Variants in RSC1A1 observed in about 807,000 individuals in gnomAD.
The protein encoded by RSC1A1 is regulatory solute carrier protein family 1 member 1.
In RSC1A1, 6 loss-of-function variants were observed where a neutral mutation model predicts 7.7. That is an observed-to-expected ratio of 0.78 (90% confidence interval 0.43 to 1.53). The LOEUF is 1.53. RSC1A1 is among the 40% of genes most tolerant of loss of function. The pLI is 0.01. For missense variants in RSC1A1, 729 were observed against 726.3 expected (o/e 1.00, Z -0.04); for synonymous variants, 250 against 263.0 (o/e 0.95, Z 0.48).
chr1:15,660,468 A>G lies in RSC1A1; in HGVS notation c.600A>G (p.Glu200=), dbSNP rs1171857719. 1 of 1,614,122 alleles carries G rather than the reference A, an allele frequency of 6.2e-7. No individual in the cohort carries two copies. Among genetic ancestry groups the G allele is most frequent in the Non-Finnish European group, 8.5e-7 (1 of 1,180,018 alleles). ...LCNIGDLELP[E]ERQQNQHKIV... The stretch of plus-strand genomic sequence containing the variant: ...ACATAGGGGACCTTGAGCTTCCTGA[A>G]GAAAGGCAACAGAATCAACACAAAA... The change falls in exon 1 of 1, where the codon GAA becomes GAG. Residue 200 remains glutamate (E), a synonymous_variant. Transcript: ENST00000345034.
Position 15,661,708 on chromosome 1 carries a change from G to A in RSC1A1, c.1840G>A (p.Val614Ile), listed in dbSNP as rs773446093. Residue 614 changes from valine (V) to isoleucine (I), a missense_variant, in exon 1 of 1, where the codon GTA (valine) becomes ATA (isoleucine). By Grantham distance (29) the Val-to-Ile change is conservative. Coordinates refer to ENST00000345034, the MANE Select transcript of RSC1A1 (RefSeq NM_006511.3). ...TCTTGTTTTGCTCGCAAAAAACATCGTAGTTCCTACATGACTGTGGGAAAG... is the reference window on the plus strand; with the variant it reads ...TCTTGTTTTGCTCGCAAAAAACATCATAGTTCCTACATGACTGTGGGAAAG... ...ALLVLLAKNI[V>I]VPT 32 of 1,610,246 alleles carry A rather than the reference G, an allele frequency of 2.0e-5. 1 individual carries two copies. The highest frequency in any genetic ancestry group is 3.3e-4 in the Middle Eastern group (2 of 6,070).
Position 15,661,747 on chromosome 1 carries a change from T to C in RSC1A1, c.*25T>C. 1.3e-6 allele frequency: 2 copies of C among 1,575,222 alleles called. No homozygotes were observed. Among genetic ancestry groups the C allele is most frequent in the Non-Finnish European group, 1.7e-6 (2 of 1,160,946 alleles). Reference sequence around the variant, plus strand: ...ACTGTGGGAAAGTGGGCTAGACCGTTCTCCATTCCCTTTAAACAAAAGAAA... The same window carrying C: ...ACTGTGGGAAAGTGGGCTAGACCGTCCTCCATTCCCTTTAAACAAAAGAAA... On this transcript the variant is annotated 3_prime_UTR_variant, in exon 1 of 1. Transcript: ENST00000345034.
At chr1:15,659,888 CAGATG>C in the RSC1A1 span, 2 of 1,588,104 alleles carry the variant, frequency 1.3e-6, no homozygotes, top group Non-Finnish European at 1.7e-6. Flanking sequence ...TTACCAACTT[CAGATG>C]GGTTTAACCA....
Position 15,661,217 on chromosome 1 carries a change from G to A in RSC1A1, c.1349G>A (p.Gly450Asp). 2 of 1,614,172 alleles carry A rather than the reference G, an allele frequency of 1.2e-6. No homozygotes were observed. The highest frequency in any genetic ancestry group is 1.7e-6 in the Non-Finnish European group (2 of 1,180,026). ...AVENVNFRSLGDGLSTDKEGV... is the reference protein window; with the variant it reads ...AVENVNFRSLDDGLSTDKEGV... ...GAAAATGTAAACTTCAGGAGTCTAGGTGATGGCCTGTCAACCGATAAGGAA... is the reference window on the plus strand; with the variant it reads ...GAAAATGTAAACTTCAGGAGTCTAGATGATGGCCTGTCAACCGATAAGGAA... The change falls in exon 1 of 1, where the codon GGT becomes GAT. Residue 450 changes from glycine (G) to aspartate (D), a missense_variant. Coordinates refer to ENST00000345034, the MANE Select transcript of RSC1A1 (RefSeq NM_006511.3).
In RSC1A1 at chr1:15,661,922, T is replaced by C. The variant is rs1208624922; in HGVS notation, c.*200T>C. Reference sequence around the variant, plus strand: ...TTTTGTCTGATGAATTTGTCTATCCTACTTGTTAAAATTTAGGCCTTTTTA... The same window carrying C: ...TTTTGTCTGATGAATTTGTCTATCCCACTTGTTAAAATTTAGGCCTTTTTA... On this transcript the variant is annotated 3_prime_UTR_variant, in exon 1 of 1. Coordinates refer to ENST00000345034, the MANE Select transcript of RSC1A1 (RefSeq NM_006511.3). 5.3e-6 allele frequency: 4 copies of C among 759,768 alleles called. No individual in the cohort carries two copies. Among genetic ancestry groups the C allele is most frequent in the Middle Eastern group, 4.1e-4 (1 of 2,418 alleles). The allele number at this position is 759,768 out of a possible 1,614,324, so 47.1% of individuals were successfully genotyped here.
In RSC1A1 at chr1:15,660,959, T is replaced by C. The variant is rs768176368; in HGVS notation, c.1091T>C (p.Val364Ala). The C allele has an allele frequency of 1.2e-6, 2 of 1,613,590 alleles. No homozygotes were observed. The highest frequency in any genetic ancestry group is 2.2e-5 in the South Asian group (2 of 90,970). The stretch of plus-strand genomic sequence containing the variant: ...TTGAAAGAACTTCATGAACTTTTGG[T>C]TGTTAGCAGTAAACCAGCTTCAGAA... ...AALKELHELL[V>A]VSSKPASENT... The change falls in exon 1 of 1, where the codon GTT becomes GCT. Residue 364 changes from valine (V) to alanine (A), a missense_variant. By Grantham distance (64) the Val-to-Ala change is moderately conservative. Coordinates refer to ENST00000345034, the MANE Select transcript of RSC1A1 (RefSeq NM_006511.3).
At chr1:15,661,596 T>TA in the RSC1A1 span, 2 of 1,614,052 alleles carry the variant, frequency 1.2e-6, no homozygotes, top group Non-Finnish European at 1.7e-6. Context: ...CTGCCACAGA[T>TA]ATTGACCGCA....
Position 15,661,025 on chromosome 1 carries a change from C to T in RSC1A1, c.1157C>T (p.Ala386Val). 6.2e-7 allele frequency: 1 copy of T among 1,614,118 alleles called. No individual in the cohort carries two copies. The change falls in exon 1 of 1, where the codon GCT becomes GTT. Residue 386 changes from alanine to valine, a missense_variant. Transcript: ENST00000345034. Reference sequence around the variant, plus strand: ...GTAATCTGTCAATCAGAAACCATAGCTGAGGGCCAAACCAGTATTAAAGAC... The same window carrying T: ...GTAATCTGTCAATCAGAAACCATAGTTGAGGGCCAAACCAGTATTAAAGAC... Reference protein sequence around the residue: ...EEVICQSETIAEGQTSIKDLS... With the variant: ...EEVICQSETIVEGQTSIKDLS...
Position 15,660,611 on chromosome 1 carries a change from T to A in RSC1A1, c.743T>A (p.Phe248Tyr), listed in dbSNP as rs780934427. 6.2e-7 allele frequency: 1 copy of A among 1,614,076 alleles called. No homozygotes were observed. The highest frequency in any genetic ancestry group is 8.5e-7 in the Non-Finnish European group (1 of 1,180,012). ...AGTGGCTGCTCAAATTCAGAAACATTTATGGAAATCGATACAGCTCAACAG... is the reference window on the plus strand; with the variant it reads ...AGTGGCTGCTCAAATTCAGAAACATATATGGAAATCGATACAGCTCAACAG... ...ECSGCSNSET[F>Y]MEIDTAQQSL... Residue 248 changes from phenylalanine to tyrosine, a missense_variant, in exon 1 of 1, where the codon TTT (phenylalanine) becomes TAT (tyrosine). Physicochemically the swap from Phe to Tyr is conservative, Grantham distance 22 (BLOSUM62 3). Transcript: ENST00000345034.
In RSC1A1 at chr1:15,660,725, T is replaced by G. The variant is rs1288684433; in HGVS notation, c.857T>G (p.Leu286Trp). ...TTGGATCTCACTTTAGATAATCCCT[T>G]GATGGAAGTAGAAACATCAAAATGT... ...GALDLTLDNP[L>W]MEVETSKCNP... The change falls in exon 1 of 1, where the codon TTG (leucine) becomes TGG (tryptophan). Residue 286 changes from leucine to tryptophan, a missense_variant. Transcript: ENST00000345034. 6 of 1,613,784 alleles carry G rather than the reference T, an allele frequency of 3.7e-6. No individual in the cohort carries two copies. Among genetic ancestry groups the G allele is most frequent in the Non-Finnish European group, 8.5e-7 (1 of 1,179,974 alleles).
Position 15,660,135 on chromosome 1 carries a change from A to G in RSC1A1, c.267A>G (p.Thr89=). ...DHASSADHAP[T]DQSPAMPMQN... is the part of the protein sequence containing the mutation. ...CTTCCTCAGCAGACCATGCTCCAAC[A>G]GACCAGAGTCCAGCTATGCCTATGC... is the stretch of plus-strand genomic sequence containing the variant. The change falls in exon 1 of 1, where the codon ACA becomes ACG. Residue 89 remains threonine, a synonymous_variant. Coordinates refer to ENST00000345034, the MANE Select transcript of RSC1A1 (RefSeq NM_006511.3). 6.2e-7 allele frequency: 1 copy of G among 1,614,236 alleles called. No homozygotes were observed. The highest frequency in any genetic ancestry group is 8.5e-7 in the Non-Finnish European group (1 of 1,180,030).
Position 15,661,730 on chromosome 1 carries a change from A to C in RSC1A1, c.*8A>C. On this transcript the variant is annotated 3_prime_UTR_variant, in exon 1 of 1. Coordinates refer to ENST00000345034, the MANE Select transcript of RSC1A1 (RefSeq NM_006511.3). Reference sequence around the variant, plus strand: ...ATCGTAGTTCCTACATGACTGTGGGAAAGTGGGCTAGACCGTTCTCCATTC... The same window carrying C: ...ATCGTAGTTCCTACATGACTGTGGGCAAGTGGGCTAGACCGTTCTCCATTC... The C allele has an allele frequency of 6.3e-7, 1 of 1,599,418 alleles. No homozygotes were observed. The highest frequency in any genetic ancestry group is 8.5e-7 in the Non-Finnish European group (1 of 1,171,760).
chr1:15,660,254 A>G lies in RSC1A1; in HGVS notation c.386A>G (p.Gln129Arg). 6.2e-7 allele frequency: 1 copy of G among 1,614,222 alleles called. No individual in the cohort carries two copies. Among genetic ancestry groups the G allele is most frequent in the Non-Finnish European group, 8.5e-7 (1 of 1,180,040 alleles). The change falls in exon 1 of 1, where the codon CAG becomes CGG. Residue 129 changes from glutamine (Q) to arginine (R), a missense_variant. Physicochemically the swap from Gln to Arg is conservative, Grantham distance 43 (BLOSUM62 1). Transcript: ENST00000345034. The part of the protein sequence containing the change: ...QGLKFHLHTR[Q>R]EASLSVTSTR... ...CTCAAATTTCATCTCCATACAAGAC[A>G]GGAAGCTAGTTTATCTGTCACATCT...
In RSC1A1 at chr1:15,661,879, C is replaced by A; in HGVS notation, c.*157C>A. 1.9e-6 allele frequency: 2 copies of A among 1,075,002 alleles called. No homozygotes were observed. The highest frequency in any genetic ancestry group is 2.5e-6 in the Non-Finnish European group (2 of 807,820). 66.6% of individuals were successfully genotyped at this position (1,075,002 alleles called of 1,614,324 possible). ...GATTTTTTTTAAAGATTTTTTTCGGCCAAAGTAATTTATGATCTTTTGTCT... is the reference window on the plus strand; with the variant it reads ...GATTTTTTTTAAAGATTTTTTTCGGACAAAGTAATTTATGATCTTTTGTCT... On this transcript the variant is annotated 3_prime_UTR_variant, in exon 1 of 1. Transcript: ENST00000345034.
Position 15,660,715 on chromosome 1 carries a change from G to A in RSC1A1, c.847G>A (p.Asp283Asn). ...CATTGGTGCATTGGATCTCACTTTA[G>A]ATAATCCCTTGATGGAAGTAGAAAC... ...KNIGALDLTL[D>N]NPLMEVETSK... The change falls in exon 1 of 1, where the codon GAT (aspartate) becomes AAT (asparagine). Residue 283 changes from aspartate (D) to asparagine (N), a missense_variant. Physicochemically the swap from Asp to Asn is conservative, Grantham distance 23. Transcript: ENST00000345034. 6.2e-7 allele frequency: 1 copy of A among 1,613,950 alleles called. No individual in the cohort carries two copies. The highest frequency in any genetic ancestry group is 8.5e-7 in the Non-Finnish European group (1 of 1,179,988).
rs1286525172 is a variant in RSC1A1, at chr1:15,660,161, A to G, written c.293A>G (p.Gln98Arg). The G allele has an allele frequency of 6.2e-7, 1 of 1,614,130 alleles. No homozygotes were observed. Among genetic ancestry groups the G allele is most frequent in the African/African-American group, 1.3e-5 (1 of 74,944 alleles). The change falls in exon 1 of 1, where the codon CAG (glutamine) becomes CGG (arginine). Residue 98 changes from glutamine to arginine, a missense_variant. Transcript: ENST00000345034. The part of the protein sequence containing the change: ...PTDQSPAMPM[Q>R]NSSEEITVAG... Reference sequence around the variant, plus strand: ...GACCAGAGTCCAGCTATGCCTATGCAGAATTCATCCGAAGAAATAACTGTT... The same window carrying G: ...GACCAGAGTCCAGCTATGCCTATGCGGAATTCATCCGAAGAAATAACTGTT...
chr1:15,661,422 C>T lies in RSC1A1; in HGVS notation c.1554C>T (p.Phe518=). 1.9e-6 allele frequency: 3 copies of T among 1,614,166 alleles called. No individual in the cohort carries two copies. The highest frequency in any genetic ancestry group is 1.7e-6 in the Non-Finnish European group (2 of 1,180,030). The part of the protein sequence containing the change: ...SEQTKSLSSN[F]ILVKDLGQGI... Reference sequence around the variant, plus strand: ...AAACTAAGTCTTTGTCATCCAATTTCATATTGGTTAAAGACTTAGGTCAGG... The same window carrying T: ...AAACTAAGTCTTTGTCATCCAATTTTATATTGGTTAAAGACTTAGGTCAGG... Residue 518 remains phenylalanine, a synonymous_variant, in exon 1 of 1, where the codon TTC becomes TTT. Coordinates refer to ENST00000345034, the MANE Select transcript of RSC1A1 (RefSeq NM_006511.3).
rs771420818 is a variant in RSC1A1 at position 15,661,423 on chromosome 1, A to G, written c.1555A>G (p.Ile519Val). The change falls in exon 1 of 1, where the codon ATA becomes GTA. Residue 519 changes from isoleucine to valine, a missense_variant. Physicochemically the swap from Ile to Val is conservative, Grantham distance 29. Coordinates refer to ENST00000345034, the MANE Select transcript of RSC1A1 (RefSeq NM_006511.3). ...EQTKSLSSNFILVKDLGQGIQ... is the reference protein window; with the variant it reads ...EQTKSLSSNFVLVKDLGQGIQ... ...AACTAAGTCTTTGTCATCCAATTTC[A>G]TATTGGTTAAAGACTTAGGTCAGGG... 28 of 1,614,086 alleles carry G rather than the reference A, an allele frequency of 1.7e-5. No individual in the cohort carries two copies. The highest frequency in any genetic ancestry group is 2.3e-5 in the Non-Finnish European group (27 of 1,180,036).
chr1:15,661,173 C>T lies in RSC1A1; in HGVS notation c.1305C>T (p.Asp435=), dbSNP rs1018361976. 1 of 1,614,126 alleles carries T rather than the reference C, an allele frequency of 6.2e-7. No individual in the cohort carries two copies. The highest frequency in any genetic ancestry group is 8.5e-7 in the Non-Finnish European group (1 of 1,180,018). The change falls in exon 1 of 1, where the codon GAC becomes GAT. Residue 435 remains aspartate, a synonymous_variant. Transcript: ENST00000345034. ...AAAAATTAACAGGTACTTCATCTGA[C>T]ACTGGAAGAGAAGCTGTAGAAAATG... ...ETEKLTGTSS[D]TGREAVENVN...
Sources: allele counts gnomAD v4.1 joint callset, GRCh38; gene constraint gnomAD v4.1.1; transcripts MANE v1.5; gene names NCBI Gene and HGNC (gene_info 2026-07-23, HGNC 2026-07-21).